DGKB: variants seen among roughly 807,000 people sequenced by gnomAD.
DGKB encodes the protein 90 kDa diacylglycerol kinase.
A neutral mutation model predicts 114.3 loss-of-function variants in DGKB; 67 were observed. The observed-to-expected ratio is 0.59, with a 90% CI of 0.48 to 0.72. The LOEUF (loss-of-function observed/expected upper bound fraction) is 0.72, where lower values mean the gene tolerates loss of function less well. Ranked by LOEUF, DGKB falls within the 30% of genes least tolerant of loss-of-function variation. The pLI, the probability that DGKB is intolerant of heterozygous loss-of-function variation, is 0.00. For missense variants in DGKB, 907 were observed against 975.2 expected, an observed-to-expected ratio of 0.93 and a Z score of 0.93; for synonymous variants, 398 against 323.1, an observed-to-expected ratio of 1.23 and a Z score of -2.49.
intron 20 of DGKB, among the ~76,000 whole-genome samples, chr7:14,551,415 A>C (rs1428957340): frequency 6.6e-6 from 1 of 152,198 alleles, no homozygotes; most frequent in Non-Finnish European, 1.5e-5. Context: ...CAAAAACTGG[A>C]GGACCTTTCC....
intron 20 of DGKB, among the ~76,000 whole-genome samples, chr7:14,563,040 C>T (rs1219729973): frequency 6.6e-6 from 1 of 151,974 alleles, no homozygotes; most frequent in Non-Finnish European, 1.5e-5. Flanking sequence ...CAGGTCTTTC[C>T]CATGCTGTTC....
chr7:14,956,350 A>T (rs969361958), intron 1 of DGKB, among the ~76,000 whole-genome samples: 3 of 152,006 alleles, frequency 2.0e-5, no homozygotes, highest in African/African-American at 7.2e-5. Flanking sequence ...AAATTTGTTA[A>T]AAGTTTGAGT....
At chr7:14,284,647 G>A (rs994190489) in intron 23 of DGKB, among the ~76,000 whole-genome samples, 3 of 148,704 alleles carry the variant, frequency 2.0e-5, no homozygotes, top group Non-Finnish European at 4.4e-5. Context: ...TTAAGAAAAT[G>A]TGGCACATAT....
chr7:14,535,918 C>A (rs1462775738), intron 20 of DGKB, among the ~76,000 whole-genome samples: 1 of 151,854 alleles, frequency 6.6e-6, no homozygotes, highest in Non-Finnish European at 1.5e-5. Flanking sequence ...TTGATGAATT[C>A]TTATCGATAG....
intron 23 of DGKB, among the ~76,000 whole-genome samples, chr7:14,331,461 C>T (rs1319430017): frequency 6.6e-6 from 1 of 151,948 alleles, no homozygotes; most frequent in Non-Finnish European, 1.5e-5. Flanking sequence ...ATTTAGACAA[C>T]TTAAAACACT....
At chr7:14,500,459 C>G (rs7780462) in intron 20 of DGKB, among the ~76,000 whole-genome samples, 1 of 147,416 alleles carries the variant, frequency 6.8e-6, no homozygotes, top group Admixed American at 6.7e-5. Context: ...ATGAACCAAA[C>G]TAAAAAGTTT....
chr7:14,927,428 T>C (rs1015026467), intron 1 of DGKB, among the ~76,000 whole-genome samples: 1 of 152,014 alleles, frequency 6.6e-6, no homozygotes, highest in Non-Finnish European at 1.5e-5. Flanking sequence ...ATTATCCTTA[T>C]CTTTTAAAAA....
intron 25 of DGKB, among the ~76,000 whole-genome samples, chr7:14,170,150 AAAGAAAGAAAGAAAGAAAG>A (rs1780707643): frequency 6.7e-5 from 2 of 29,878 alleles, no homozygotes; most frequent in Non-Finnish European, 1.1e-4. Context: ...AAAAAAAAAG[AAAGAAAGAAAGAAAGAAAG>A]AAAGAAAGAA....
At chr7:14,198,119 T>C (rs1241341197) in intron 23 of DGKB, among the ~76,000 whole-genome samples, 1 of 152,100 alleles carries the variant, frequency 6.6e-6, no homozygotes, top group Non-Finnish European at 1.5e-5. Flanking sequence ...ACTAAACAGA[T>C]TCCTGTAGGA....
At chr7:14,304,437 C>T (rs1052225677) in intron 23 of DGKB, among the ~76,000 whole-genome samples, 1 of 151,348 alleles carries the variant, frequency 6.6e-6, no homozygotes, top group Middle Eastern at 3.4e-3. Flanking sequence ...TCCCACAGTC[C>T]CACTTTGTGC....
chr7:14,578,869 A>G (rs1008079279), intron 19 of DGKB, among the ~76,000 whole-genome samples: 2 of 152,166 alleles, frequency 1.3e-5, no homozygotes, highest in Non-Finnish European at 2.9e-5. Context: ...AACTCTCACA[A>G]TGACAAATAG....
rs543255202 is a variant in DGKB, at chr7:14,881,320, T to C, written c.-188+21272A>G. 3.3e-5 allele frequency among the ~76,000 whole-genome samples: 5 copies of C among 152,316 alleles called. No individual in the cohort carries two copies. In the East Asian group the frequency reaches 7.7e-4, roughly 23 times the overall value. On this transcript the variant is annotated intron_variant, in intron 1 of 25. Coordinates refer to ENST00000402815, the MANE Select transcript of DGKB (RefSeq NM_001350709.2). Reference sequence around the variant, plus strand: ...CTCTTATTCTGTTGAATTATTTCCATAGTCCTGTCACCATTTTTGAAGCAA... The same window carrying C: ...CTCTTATTCTGTTGAATTATTTCCACAGTCCTGTCACCATTTTTGAAGCAA...
intron 23 of DGKB, among the ~76,000 whole-genome samples, chr7:14,185,994 C>A (rs909636321): frequency 3.3e-5 from 5 of 152,114 alleles, no homozygotes; most frequent in African/African-American, 1.2e-4. Flanking sequence ...AAAGCAAATG[C>A]AATAAAAACA....
At position 14,608,571 on chromosome 7, in the gene DGKB, G is replaced by C. The variant is rs564156450; in HGVS notation, c.1359-1063C>G. On this transcript the variant is annotated intron_variant, in intron 16 of 25. Transcript: ENST00000402815. The stretch of plus-strand genomic sequence containing the variant: ...ACCACTCCTATTCAACATAGTTCTG[G>C]AAGTTCTAATCAGAGCAATTAGACA... 1.2e-4 allele frequency among the ~76,000 whole-genome samples: 19 copies of C among 152,028 alleles called. No individual in the cohort carries two copies. In the South Asian group the frequency reaches 4.0e-3, roughly 32 times the overall value.
At chr7:14,391,401 G>A (rs1821280430) in intron 21 of DGKB, among the ~76,000 whole-genome samples, 1 of 151,924 alleles carries the variant, frequency 6.6e-6, no homozygotes, top group Non-Finnish European at 1.5e-5. Flanking sequence ...TGATAAGGGA[G>A]GCCAGACATG....
At chr7:14,502,363 G>T (rs1214732531) in intron 20 of DGKB, among the ~76,000 whole-genome samples, 1 of 151,890 alleles carries the variant, frequency 6.6e-6, no homozygotes, top group African/African-American at 2.4e-5. Context: ...AACCCCAGCT[G>T]CCAGAGCTAA....
chr7:14,969,009 A>G (rs1402925050), intron 1 of DGKB, among the ~76,000 whole-genome samples: 3 of 152,114 alleles, frequency 2.0e-5, no homozygotes, highest in Admixed American at 6.6e-5. Flanking sequence ...CCAGTCTGTC[A>G]TTTATTTTGA....
chr7:14,931,795 C>T (rs140155798), intron 1 of DGKB, among the ~76,000 whole-genome samples: 30 of 151,592 alleles, frequency 2.0e-4, no homozygotes, highest in African/African-American at 7.2e-4. Context: ...TGGCTCAAGA[C>T]TAAGCCTCAG....
In DGKB at chr7:14,873,645, C is replaced by A. The variant is rs1562781883; in HGVS notation, c.-188+28947G>T. ...TTCTTATTATAGAAGTTTACATATACTATATATATATACACATACATATGT... is the reference window on the plus strand; with the variant it reads ...TTCTTATTATAGAAGTTTACATATAATATATATATATACACATACATATGT... On this transcript the variant is annotated intron_variant, in intron 1 of 25. Coordinates refer to ENST00000402815, the MANE Select transcript of DGKB (RefSeq NM_001350709.2). 3.3e-5 allele frequency among the ~76,000 whole-genome samples: 5 copies of A among 151,360 alleles called. No homozygotes were observed. In the South Asian group the frequency reaches 6.2e-4, roughly 19 times the overall value.
Sources: allele counts gnomAD v4.1 joint callset (sites outside exome capture counted in the v4.1 genomes callset), GRCh38; gene constraint gnomAD v4.1.1; transcripts MANE v1.5; gene names NCBI Gene and HGNC (gene_info 2026-07-23, HGNC 2026-07-21).